The following HRG variants were observed in gnomAD, a reference collection of about 807,000 sequenced individuals.
HRG encodes the protein histidine-rich glycoprotein.
In HRG, 26 loss-of-function variants were observed where a neutral mutation model predicts 29.5. That is an observed-to-expected ratio of 0.88 (90% confidence interval 0.65 to 1.22). The LOEUF (loss-of-function observed/expected upper bound fraction) is 1.22, where lower values mean the gene tolerates loss of function less well. HRG is among the 50% of genes most tolerant of loss of function. HRG has a pLI of 0.00. For synonymous variants in HRG, 243 were observed against 240.4 expected (o/e 1.01, Z -0.10); for missense variants, 671 against 654.5 (o/e 1.03, Z -0.28).
At chr3:186,672,481 G>C (rs192096861) in intron 4 of HRG, among the ~76,000 whole-genome samples, 2 of 152,254 alleles carry the variant, frequency 1.3e-5, no homozygotes, top group African/African-American at 4.8e-5. Context: ...GAAAACACTC[G>C]AAGAGGAAAC....
intron 3 of HRG, 40 bp downstream of exon 3, chr3:186,670,068 A>G (rs1326693324): frequency 9.9e-7 from 1 of 1,007,898 alleles, no homozygotes; most frequent in Admixed American, 1.7e-5. Flanking sequence ...TTCTTGATTA[A>G]TACAAATTCA....
At position 186,677,467 on chromosome 3, in the gene HRG, G is replaced by A. The variant is rs1579082873; in HGVS notation, c.1162G>A (p.Gly388Arg). The change falls in exon 7 of 7, where the codon GGA becomes AGA. Residue 388 changes from glycine to arginine, a missense_variant. Coordinates refer to ENST00000232003, the MANE Select transcript of HRG (RefSeq NM_000412.5). The stretch of plus-strand genomic sequence containing the variant: ...GCATCCCCATGGACACCACCCCCAT[G>A]GACACCATCCTCATGGACACCACCC... ...RQHPHGHHPHGHHPHGHHPHG... is the reference protein window; with the variant it reads ...RQHPHGHHPHRHHPHGHHPHG... 3 of 1,589,236 alleles carry A rather than the reference G, an allele frequency of 1.9e-6. No homozygotes were observed. The highest frequency in any genetic ancestry group is 2.6e-6 in the Non-Finnish European group (3 of 1,167,960).
rs191845843 is a variant in HRG, at chr3:186,671,294, G to T, written c.392-329G>T. Among the ~76,000 whole-genome samples, 144 of 146,654 alleles carry T rather than the reference G, an allele frequency of 9.8e-4. 1 individual carries two copies. The highest frequency in any genetic ancestry group is 3.4e-3 in the African/African-American group (137 of 40,192). Reference sequence around the variant, plus strand: ...TTATATAATATATAAATATATAATAGATATTATATAATAGATAATATATAT... The same window carrying T: ...TTATATAATATATAAATATATAATATATATTATATAATAGATAATATATAT... On this transcript the variant is annotated intron_variant, in intron 3 of 6. Coordinates refer to ENST00000232003, the MANE Select transcript of HRG (RefSeq NM_000412.5).
chr3:186,676,515 C>T (rs1211419134), intron 6 of HRG, among the ~76,000 whole-genome samples: 1 of 151,178 alleles, frequency 6.6e-6, no homozygotes, highest in Non-Finnish European at 1.5e-5. Flanking sequence ...TGGCTCATGC[C>T]TGTAATCCCA....
At chr3:186,671,596 TG>T in intron 3 of HRG, 26 bp from the exon 4 acceptor site, 2 of 1,610,970 alleles carry the variant, frequency 1.2e-6, no homozygotes, top group Non-Finnish European at 1.7e-6. Flanking sequence ...AGCCCTTTAC[TG>T]TGACACTGCT....
At position 186,666,231 on chromosome 3, in the gene HRG, G is replaced by A. The variant is rs1579071520; in HGVS notation, c.183+17G>A. On this transcript the variant is annotated intron_variant, in intron 1 of 6. Transcript: ENST00000232003. ...GACAGAGTGGTGAGGAATTGCCAAT[G>A]GCAGAGCTGAGTTGGGAGATTACTC... 2 of 1,612,932 alleles carry A rather than the reference G, an allele frequency of 1.2e-6. No homozygotes were observed. Among genetic ancestry groups the A allele is most frequent in the African/African-American group, 2.7e-5 (2 of 74,900 alleles).
At chr3:186,677,001 C>A in intron 6 of HRG, 46 bp from the exon 7 acceptor site, 1 of 1,611,012 alleles carries the variant, frequency 6.2e-7, no homozygotes, top group Non-Finnish European at 8.5e-7. Flanking sequence ...CTAACATCTT[C>A]TTTTATGTTA....
Position 186,677,794 on chromosome 3 carries a change from C to A in HRG, c.1489C>A (p.Pro497Thr). 9.3e-6 allele frequency: 15 copies of A among 1,614,166 alleles called. No homozygotes were observed. Among genetic ancestry groups the A allele is most frequent in the Non-Finnish European group, 1.3e-5 (15 of 1,179,978 alleles). Residue 497 changes from proline to threonine, a missense_variant, in exon 7 of 7, where the codon CCT becomes ACT. Physicochemically the swap from Pro to Thr is conservative, Grantham distance 38. Transcript: ENST00000232003. ...HPLKPDNQPF[P>T]QSVSESCPGK... ...TCTAAAGCCAGACAATCAGCCCTTT[C>A]CTCAATCAGTCTCTGAATCATGTCC...
chr3:186,666,979 G>GT (rs1718632200), intron 1 of HRG: 2 of 151,934 alleles, frequency 1.3e-5, no homozygotes, highest in African/African-American at 4.8e-5. Flanking sequence ...TGACACTGGA[G>GT]TCTTCATAAA....
At chr3:186,672,729 CT>C in intron 4 of HRG, 57 bp from the exon 5 acceptor site, 12 of 1,135,990 alleles carry the variant, frequency 1.1e-5, no homozygotes, top group East Asian at 2.4e-5. Context: ...TTATCTACTG[CT>C]TTTTTTTCCT....
rs779350522 is a variant in HRG, at chr3:186,666,142, G to C, written c.111G>C (p.Leu37=). Residue 37 remains leucine (L), a synonymous_variant, in exon 1 of 7, where the codon CTG becomes CTC. Coordinates refer to ENST00000232003, the MANE Select transcript of HRG (RefSeq NM_000412.5). ...CGGAGGCTGAGAAAGCTCTAGACCTGATCAATAAAAGGCGACGGGATGGCT... is the reference window on the plus strand; with the variant it reads ...CGGAGGCTGAGAAAGCTCTAGACCTCATCAATAAAAGGCGACGGGATGGCT... ...VEPEAEKALD[L]INKRRRDGYL... is the part of the protein sequence containing the mutation. The C allele has an allele frequency of 1.2e-6, 2 of 1,614,206 alleles. No homozygotes were observed. The highest frequency in any genetic ancestry group is 1.1e-5 in the South Asian group (1 of 91,082).
At chr3:186,666,266 A>C in intron 1 of HRG, 52 bp downstream of exon 1, 1 of 1,566,444 alleles carries the variant, frequency 6.4e-7, no homozygotes, top group Non-Finnish European at 8.8e-7. Flanking sequence ...CACGGGGGCA[A>C]ATGTGACTCT....
chr3:186,677,617 T>C lies in HRG; in HGVS notation c.1312T>C (p.Leu438=). ...TGGCCACGGCCCACCACCTGGGCAC[T>C]TAAGAAGGCGAGGCCCAGGTAAAGG... The part of the protein sequence containing the change: ...CHGHGPPPGH[L]RRRGPGKGPR... Residue 438 remains leucine, a synonymous_variant, in exon 7 of 7, where the codon TTA becomes CTA. Transcript: ENST00000232003. 6.2e-7 allele frequency: 1 copy of C among 1,614,132 alleles called. No individual in the cohort carries two copies. The highest frequency in any genetic ancestry group is 8.5e-7 in the Non-Finnish European group (1 of 1,180,020).
chr3:186,678,106 C>T lies in HRG; in HGVS notation c.*223C>T. On this transcript the variant is annotated 3_prime_UTR_variant, in exon 7 of 7. Coordinates refer to ENST00000232003, the MANE Select transcript of HRG (RefSeq NM_000412.5). The stretch of plus-strand genomic sequence containing the variant: ...TAGTAGTTAATTCTGTCACTCACCA[C>T]TACATCACTTGAGACAAATCTATGC... 1 of 532,904 alleles carries T rather than the reference C, an allele frequency of 1.9e-6. No individual in the cohort carries two copies. The highest frequency in any genetic ancestry group is 3.4e-6 in the Non-Finnish European group (1 of 298,052). The allele number at this position is 532,904 out of a possible 1,614,324, so 33.0% of individuals were successfully genotyped here.
At chr3:186,673,510 G>A (rs148327062) in intron 5 of HRG, 13 of 161,586 alleles carry the variant, frequency 8.0e-5, no homozygotes, top group African/African-American at 2.4e-4. Flanking sequence ...GAACATAAGC[G>A]AACCATAAGA....
chr3:186,671,555 T>A (rs1445571694), intron 3 of HRG, 68 bp from the exon 4 acceptor site: 5 of 1,500,570 alleles, frequency 3.3e-6, no homozygotes, highest in Non-Finnish European at 1.9e-6. Context: ...GTTATTGTCA[T>A]TCTTGCCACC....
intron 1 of HRG, among the ~76,000 whole-genome samples, chr3:186,667,718 A>G (rs1045763213): frequency 3.9e-5 from 6 of 152,084 alleles, no homozygotes; most frequent in African/African-American, 1.4e-4. Context: ...GGAATCAGGA[A>G]GAAGGGTGTT....
In HRG at chr3:186,675,163, C is replaced by A; in HGVS notation, c.714C>A (p.Val238=). 1 of 1,613,614 alleles carries A rather than the reference C, an allele frequency of 6.2e-7. No individual in the cohort carries two copies. The highest frequency in any genetic ancestry group is 1.1e-5 in the South Asian group (1 of 91,044). ...ALDLESPKNL[V]INCEVFDPQE... ...ACTTGGAAAGCCCGAAAAACCTTGT[C>A]ATAAACTGTGAAGTCTTCGACCCTC... is the stretch of plus-strand genomic sequence containing the variant. Residue 238 remains valine (V), a synonymous_variant, in exon 6 of 7, where the codon GTC becomes GTA. Transcript: ENST00000232003.
chr3:186,677,146 C>T lies in HRG; in HGVS notation c.841C>T (p.His281Tyr), dbSNP rs752191157. 1.9e-6 allele frequency: 3 copies of T among 1,613,874 alleles called. No individual in the cohort carries two copies. The highest frequency in any genetic ancestry group is 1.1e-5 in the South Asian group (1 of 91,066). The part of the protein sequence containing the change: ...SSTTKPPFKP[H>Y]GSRDHHHPHK... The stretch of plus-strand genomic sequence containing the variant: ...TACCACCAAGCCTCCATTCAAGCCC[C>T]ATGGATCTAGAGATCATCATCATCC... Residue 281 changes from histidine (H) to tyrosine (Y), a missense_variant, in exon 7 of 7, where the codon CAT becomes TAT. Transcript: ENST00000232003.
Sources: gnomAD v4.1 joint callset for allele counts (sites outside exome capture counted in the v4.1 genomes callset) on GRCh38, gnomAD v4.1.1 for gene constraint, MANE v1.5 for transcripts, NCBI Gene and HGNC (gene_info 2026-07-23, HGNC 2026-07-21) for gene names.